Variants in PDE3B observed in about 807,000 individuals in gnomAD.
PDE3B encodes the protein phosphodiesterase 3B.
Under a neutral mutation model 116.8 loss-of-function variants are expected in PDE3B, and 66 were observed. That is an observed-to-expected ratio of 0.56 (90% CI 0.46 to 0.69). The LOEUF (loss-of-function observed/expected upper bound fraction) is 0.69, where lower values mean the gene tolerates loss of function less well. PDE3B is among the 30% of genes least tolerant of loss of function. PDE3B has a pLI of 0.00. For synonymous variants in PDE3B, 595 were observed against 533.6 expected (o/e 1.12, Z -1.59); for missense variants, 1,384 against 1,368.1 (o/e 1.01, Z -0.18).
At chr11:14,701,347 G>C (rs4344519) in intron 1 of PDE3B, among the ~76,000 whole-genome samples, 96,845 of 151,384 alleles carry the variant, frequency 0.64, 31,108 homozygotes, top group Middle Eastern at 0.7. Flanking sequence ...CTCTTTACAA[G>C]TGATAATCAA....
At chr11:14,839,990 A>G (rs1372706566) in intron 11 of PDE3B, among the ~76,000 whole-genome samples, 3 of 152,330 alleles carry the variant, frequency 2.0e-5, no homozygotes, top group African/African-American at 7.2e-5. Flanking sequence ...AATTCTCTAC[A>G]TAAAGGGCTC....
At chr11:14,646,968 TAATATTCTGTCTA>T in intron 1 of PDE3B, among the ~76,000 whole-genome samples, 1 of 152,250 alleles carries the variant, frequency 6.6e-6, no homozygotes, top group African/African-American at 2.4e-5. Context: ...CATGCCTACC[TAATATTCTGTCTA>T]CAAAATAATT....
At chr11:14,645,306 G>A (rs571843624) in intron 1 of PDE3B, among the ~76,000 whole-genome samples, 148 of 152,164 alleles carry the variant, frequency 9.7e-4, no homozygotes, top group African/African-American at 3.2e-3. Context: ...TAATCACATG[G>A]CACTTTTTAA....
chr11:14,705,958 A>G (rs574091313), intron 1 of PDE3B, among the ~76,000 whole-genome samples: 3 of 152,042 alleles, frequency 2.0e-5, no homozygotes, highest in African/African-American at 4.8e-5. Context: ...AGTCACTTCA[A>G]ATCTTTTATG....
intron 4 of PDE3B, among the ~76,000 whole-genome samples, chr11:14,789,491 T>G (rs1858318485): frequency 6.6e-6 from 1 of 152,082 alleles, no homozygotes; most frequent in East Asian, 1.9e-4. Context: ...TGAGATAGTT[T>G]AGGGAAATCA....
intron 1 of PDE3B, among the ~76,000 whole-genome samples, chr11:14,693,875 A>T (rs1388831313): frequency 2.0e-5 from 3 of 152,130 alleles, no homozygotes; most frequent in Non-Finnish European, 2.9e-5. Flanking sequence ...AGATTGATGG[A>T]TGTGTGCAAA....
chr11:14,758,834 CT>C (rs1857270490), intron 1 of PDE3B, among the ~76,000 whole-genome samples: 1 of 151,686 alleles, frequency 6.6e-6, no homozygotes, highest in Admixed American at 6.6e-5. Flanking sequence ...GAGGGCATCC[CT>C]GTCTTGTGCC....
In PDE3B at chr11:14,871,399, C is replaced by G. The variant is rs556912244; in HGVS notation, c.*1739C>G. The G allele has an allele frequency of 6.6e-6, 1 of 152,078 alleles. No individual in the cohort carries two copies. Among genetic ancestry groups the G allele is most frequent in the South Asian group, 2.1e-4 (1 of 4,812 alleles). 9.4% of individuals were successfully genotyped at this position (152,078 alleles called of 1,614,324 possible). A position where few individuals can be genotyped will look rare whatever the true frequency, so the allele number is the denominator to read the frequency against. The stretch of plus-strand genomic sequence containing the variant: ...TGCACTTACAATATATATATCCTGT[C>G]CTTATATTTCTCTAGAGTACATTTT... On this transcript the variant is annotated 3_prime_UTR_variant, in exon 16 of 16. Coordinates refer to ENST00000282096, the MANE Select transcript of PDE3B (RefSeq NM_000922.4).
intron 12 of PDE3B, among the ~76,000 whole-genome samples, chr11:14,848,304 A>G (rs1847657961): frequency 7.1e-6 from 1 of 140,254 alleles, no homozygotes; most frequent in Non-Finnish European, 1.5e-5. Flanking sequence ...CATGCTAAAA[A>G]CTCTCAATAA....
intron 7 of PDE3B, among the ~76,000 whole-genome samples, chr11:14,821,242 G>A (rs1415361830): frequency 6.6e-6 from 1 of 152,168 alleles, no homozygotes; most frequent in Non-Finnish European, 1.5e-5. Context: ...AGTAGGAAGT[G>A]GAAACTACCA....
chr11:14,682,940 AT>A lies in PDE3B; in HGVS notation c.978+37901del, dbSNP rs113529850. ...TTTCTTTTATTGATACATAGTATTGATTTTTTTTTTTTTTGAGACGGAGTTT... is the reference window on the plus strand; with the variant it reads ...TTTCTTTTATTGATACATAGTATTGATTTTTTTTTTTTTGAGACGGAGTTT... On this transcript the variant is annotated intron_variant, in intron 1 of 15. Transcript: ENST00000282096. Among the ~76,000 whole-genome samples, 1,382 of 140,902 alleles carry A rather than the reference AT, an allele frequency of 9.8e-3. 4 individuals are homozygous for A. Among genetic ancestry groups the A allele is most frequent in the Non-Finnish European group, 0.014 (868 of 63,982 alleles). The allele number at this position is 140,902 out of a possible 152,430, so 92.4% of individuals were successfully genotyped here.
chr11:14,699,728 A>T lies in PDE3B; in HGVS notation c.978+54675A>T, dbSNP rs368711905. ...ACCTCAATAAGTTTGTCTCATTTCC[A>T]GTTAACTTAATTAGAACATTTGGCT... On this transcript the variant is annotated intron_variant, in intron 1 of 15. Coordinates refer to ENST00000282096, the MANE Select transcript of PDE3B (RefSeq NM_000922.4). Among the ~76,000 whole-genome samples the T allele has an allele frequency of 3.9e-5, 6 of 152,004 alleles. No homozygotes were observed. The South Asian group carries it at 6.2e-4, about 16-fold the overall frequency.
intron 3 of PDE3B, among the ~76,000 whole-genome samples, chr11:14,788,606 A>G (rs1348579553): frequency 6.6e-6 from 1 of 152,002 alleles, no homozygotes; most frequent in African/African-American, 2.4e-5. Flanking sequence ...AAATTAGGGC[A>G]AAATATTAAT....
intron 1 of PDE3B, among the ~76,000 whole-genome samples, chr11:14,651,470 A>G (rs1277780701): frequency 6.6e-6 from 1 of 152,210 alleles, no homozygotes; most frequent in Non-Finnish European, 1.5e-5. Context: ...AACTAAAGCT[A>G]CGTAAAATTG....
At chr11:14,843,737 G>A in intron 11 of PDE3B, 90 bp from the exon 12 acceptor site, 1 of 890,108 alleles carries the variant, frequency 1.1e-6, no homozygotes, top group Non-Finnish European at 1.9e-6. Context: ...AAATAAGTAA[G>A]CATATTACCT....
chr11:14,681,704 C>T (rs937893227), intron 1 of PDE3B, among the ~76,000 whole-genome samples: 1 of 152,132 alleles, frequency 6.6e-6, no homozygotes, highest in Non-Finnish European at 1.5e-5. Flanking sequence ...TCCAGTTGCT[C>T]TTTGCTAGTA....
the PDE3B span, among the ~76,000 whole-genome samples, chr11:14,882,869 A>G: frequency 9.9e-5 from 15 of 152,214 alleles, no homozygotes; most frequent in African/African-American, 3.6e-4. Flanking sequence ...AAAAATCACA[A>G]GCATTCTTAT....
At chr11:14,685,039 T>G (rs557298986) in intron 1 of PDE3B, among the ~76,000 whole-genome samples, 29 of 152,282 alleles carry the variant, frequency 1.9e-4, no homozygotes, top group African/African-American at 6.5e-4. Flanking sequence ...GATGACAGGA[T>G]TAAGAGATTA....
At chr11:14,856,731 G>A (rs782746245) in intron 12 of PDE3B, among the ~76,000 whole-genome samples, 1 of 152,018 alleles carries the variant, frequency 6.6e-6, no homozygotes, top group Non-Finnish European at 1.5e-5. Flanking sequence ...GCGGGCACCC[G>A]TAGTCCCAGC....
Sources: gnomAD v4.1 joint callset for allele counts (sites outside exome capture counted in the v4.1 genomes callset) on GRCh38, gnomAD v4.1.1 for gene constraint, MANE v1.5 for transcripts, NCBI Gene and HGNC (gene_info 2026-07-23, HGNC 2026-07-21) for gene names.